NLRP8: variants seen among roughly 807,000 people sequenced by gnomAD.
The protein encoded by NLRP8 is NLR family pyrin domain containing 8.
Under a neutral mutation model 88.7 loss-of-function variants are expected in NLRP8, and 86 were observed. The observed-to-expected ratio is 0.97, with a 90% CI of 0.81 to 1.16. The LOEUF (loss-of-function observed/expected upper bound fraction) is 1.16, where lower values mean the gene tolerates loss of function less well. NLRP8 is among the 50% of genes most tolerant of loss of function. NLRP8 has a pLI of 0.00. For missense variants in NLRP8, 1,342 were observed against 1,286.5 expected (o/e 1.04, Z -0.66); for synonymous variants, 504 against 494.6 (o/e 1.02, Z -0.25).
intron 7 of NLRP8, 32 bp from the exon 8 acceptor site, chr19:55,976,101 T>C: frequency 2.6e-6 from 4 of 1,538,656 alleles, no homozygotes; most frequent in Non-Finnish European, 2.6e-6. Context: ...TAGTTGTTGT[T>C]GTTGTTGTTT....
At chr19:55,971,126 C>G (rs1034190967) in intron 6 of NLRP8, among the ~76,000 whole-genome samples, 1 of 151,988 alleles carries the variant, frequency 6.6e-6, no homozygotes, top group East Asian at 1.9e-4. Context: ...GGCATCACAT[C>G]GTTTTGTGTT....
At position 55,988,532 on chromosome 19, in the gene NLRP8, A is replaced by C. The variant is rs1568473389; in HGVS notation, c.*619A>C. ...AAGACAGGATATAGACAAAGTCTTC[A>C]TCGTCTTCTTGCTTCTTCTACCTTT... On this transcript the variant is annotated 3_prime_UTR_variant, in exon 10 of 10. Transcript: ENST00000291971. The C allele has an allele frequency of 6.7e-6, 1 of 149,782 alleles. No individual in the cohort carries two copies. The allele number at this position is 149,782 out of a possible 1,614,324, so 9.3% of individuals were successfully genotyped here.
At chr19:55,969,498 C>G (rs531140436) in intron 5 of NLRP8, among the ~76,000 whole-genome samples, 32 of 152,282 alleles carry the variant, frequency 2.1e-4, no homozygotes, top group Non-Finnish European at 4.1e-4. Flanking sequence ...TCCTTACCCA[C>G]TCTTTGGTCA....
intron 3 of NLRP8, among the ~76,000 whole-genome samples, chr19:55,957,174 C>A (rs1040643803): frequency 2.0e-5 from 3 of 152,168 alleles, no homozygotes; most frequent in Non-Finnish European, 2.9e-5. Flanking sequence ...ATGAAGACAT[C>A]CTGAATCTGT....
chr19:55,974,677 A>G (rs1600312984), intron 7 of NLRP8, among the ~76,000 whole-genome samples: 1 of 151,042 alleles, frequency 6.6e-6, no homozygotes, highest in South Asian at 2.1e-4. Context: ...CAGAGCTTAC[A>G]GTGAGCCAAG....
rs879556251 is a variant in NLRP8 at position 55,987,941 on chromosome 19, T to C, written c.*28T>C. On this transcript the variant is annotated 3_prime_UTR_variant, in exon 10 of 10. Coordinates refer to ENST00000291971, the MANE Select transcript of NLRP8 (RefSeq NM_176811.2). ...CGTCCAGTCATCTTTCTCTGGGGCT[T>C]GATTGATCAGTTCCCACTCTGACAA... 6.5e-7 allele frequency: 1 copy of C among 1,537,828 alleles called. No individual in the cohort carries two copies. Among genetic ancestry groups the C allele is most frequent in the Non-Finnish European group, 9.0e-7 (1 of 1,110,750 alleles).
At chr19:55,971,270 T>C (rs991147811) in intron 6 of NLRP8, among the ~76,000 whole-genome samples, 3 of 151,912 alleles carry the variant, frequency 2.0e-5, no homozygotes, top group African/African-American at 7.3e-5. Flanking sequence ...TGAAACCCCA[T>C]CTCTACTAAA....
Position 55,959,777 on chromosome 19 carries a change from T to C in NLRP8, c.2043-2290T>C, listed in dbSNP as rs143694681. 8.7e-3 allele frequency among the ~76,000 whole-genome samples: 1,323 copies of C among 152,318 alleles called. 19 individuals carry two copies. The highest frequency in any genetic ancestry group is 0.03 in the African/African-American group (1,227 of 41,570). Reference sequence around the variant, plus strand: ...AAATTACAAAGTTTTCCAGAGCTTATATGCCTTCTAAGCTATATGTCTACG... The same window carrying C: ...AAATTACAAAGTTTTCCAGAGCTTACATGCCTTCTAAGCTATATGTCTACG... On this transcript the variant is annotated intron_variant, in intron 3 of 9. Transcript: ENST00000291971.
rs780086195 is a variant in NLRP8, at chr19:55,955,082, T to C, written c.1024T>C (p.Cys342Arg). The change falls in exon 3 of 10, where the codon TGC becomes CGC. Residue 342 changes from cysteine (C) to arginine (R), a missense_variant. Cys to Arg is a radical substitution (Grantham distance 180, BLOSUM62 -3). Transcript: ENST00000291971. ...GATAAGATTTACCTCTTGGCAGACA[T>C]GCAAGCCCTTGCTGAAATGTCCCTC... 9.3e-6 allele frequency: 15 copies of C among 1,613,982 alleles called. 1 individual carries two copies. The South Asian group carries it at 1.2e-4, about 13-fold the overall frequency.
At chr19:55,963,541 A>T (rs1979706254) in intron 4 of NLRP8, among the ~76,000 whole-genome samples, 2 of 151,954 alleles carry the variant, frequency 1.3e-5, no homozygotes, top group African/African-American at 2.4e-5. Flanking sequence ...TACATGGAAG[A>T]GGAGAAACAC....
intron 8 of NLRP8, among the ~76,000 whole-genome samples, chr19:55,977,435 A>G (rs1980397876): frequency 6.9e-6 from 1 of 145,264 alleles, no homozygotes; most frequent in Non-Finnish European, 1.5e-5. Context: ...ACAATATATT[A>G]TACATTATAT....
At chr19:55,968,650 G>C (rs1979946059) in intron 5 of NLRP8, among the ~76,000 whole-genome samples, 1 of 151,828 alleles carries the variant, frequency 6.6e-6, no homozygotes. Flanking sequence ...TAAGGCAGGA[G>C]AATCGCTTGA....
Position 55,955,135 on chromosome 19 carries a change from G to A in NLRP8, c.1077G>A (p.Thr359=), listed in dbSNP as rs1000244011. The A allele has an allele frequency of 3.7e-6, 6 of 1,613,782 alleles. No individual in the cohort carries two copies. The highest frequency in any genetic ancestry group is 1.3e-5 in the African/African-American group (1 of 74,896). ...TCGTAACCCTTCCGGGGTTTAATAC[G>A]ATGGAAAAAATCAAGTATTTCCAGA... is the stretch of plus-strand genomic sequence containing the variant. The change falls in exon 3 of 10, where the codon ACG becomes ACA. Residue 359 remains threonine, a synonymous_variant. Coordinates refer to ENST00000291971, the MANE Select transcript of NLRP8 (RefSeq NM_176811.2).
chr19:55,982,395 A>G (rs1270661467), intron 9 of NLRP8, among the ~76,000 whole-genome samples: 49 of 152,220 alleles, frequency 3.2e-4, no homozygotes, highest in Admixed American at 3.1e-3. Context: ...CTAAGTGTCC[A>G]TCAACAGATG....
intron 5 of NLRP8, among the ~76,000 whole-genome samples, chr19:55,969,693 G>A (rs564850782): frequency 1.8e-4 from 28 of 152,210 alleles, no homozygotes; most frequent in African/African-American, 6.7e-4. Flanking sequence ...CTTTCCATGT[G>A]CGAACCTTCT....
At chr19:55,985,048 C>A (rs7260009) in intron 9 of NLRP8, among the ~76,000 whole-genome samples, 61,495 of 151,920 alleles carry the variant, frequency 0.4, 12,806 homozygotes, top group East Asian at 0.75. Flanking sequence ...TCACGCCTGT[C>A]ATCCCAACAC....
chr19:55,985,550 A>G (rs8102420), intron 9 of NLRP8, among the ~76,000 whole-genome samples: 22,854 of 152,134 alleles, frequency 0.15, 2,771 homozygotes, highest in African/African-American at 0.33. Flanking sequence ...AGAAGAAAAA[A>G]TCTGAATTCC....
At position 55,955,951 on chromosome 19, in the gene NLRP8, A is replaced by T. The variant is rs200708368; in HGVS notation, c.1893A>T (p.Lys631Asn). Reference sequence around the variant, plus strand: ...GCCAAGCCCTAAATGATTATCATAAAGTTGTCTTGAGAATTGGCAACAACA... The same window carrying T: ...GCCAAGCCCTAAATGATTATCATAATGTTGTCTTGAGAATTGGCAACAACA... The change falls in exon 3 of 10, where the codon AAA becomes AAT. Residue 631 changes from lysine to asparagine, a missense_variant. Transcript: ENST00000291971. The T allele has an allele frequency of 1.2e-5, 19 of 1,614,034 alleles. No individual in the cohort carries two copies. The highest frequency in any genetic ancestry group is 1.7e-5 in the Admixed American group (1 of 59,982).
intron 5 of NLRP8, among the ~76,000 whole-genome samples, chr19:55,968,783 C>T (rs1182486224): frequency 2.6e-5 from 4 of 152,152 alleles, no homozygotes; most frequent in Non-Finnish European, 5.9e-5. Flanking sequence ...TATTAGAAAA[C>T]ATTCTTGGTT....
Sources: gnomAD v4.1 joint callset for allele counts (sites outside exome capture counted in the v4.1 genomes callset) on GRCh38, gnomAD v4.1.1 for gene constraint, MANE v1.5 for transcripts, NCBI Gene and HGNC (gene_info 2026-07-23, HGNC 2026-07-21) for gene names.